Variants in PARD3B observed in about 807,000 individuals in gnomAD.
PARD3B encodes par-3 family cell polarity regulator beta.
In PARD3B, 103 loss-of-function variants were observed where a neutral mutation model predicts 130.2. That is an observed-to-expected ratio of 0.79 (90% CI 0.67 to 0.93). PARD3B has a LOEUF of 0.93. PARD3B is among the 40% of genes least tolerant of loss of function. The pLI is 0.00. For missense variants in PARD3B, 1,609 were observed against 1,499.2 expected (o/e 1.07, Z -1.21); for synonymous variants, 583 against 553.2 (o/e 1.05, Z -0.76).
intron 16 of PARD3B, among the ~76,000 whole-genome samples, chr2:205,285,036 T>C (rs1206378704): frequency 6.6e-6 from 1 of 151,092 alleles, no homozygotes; most frequent in East Asian, 1.9e-4. Context: ...GAACCAAGTG[T>C]TCCTTTCTTT....
intron 2 of PARD3B, among the ~76,000 whole-genome samples, chr2:204,693,918 G>C (rs1258967951): frequency 6.6e-6 from 1 of 151,984 alleles, no homozygotes; most frequent in African/African-American, 2.4e-5. Flanking sequence ...ATTCACTGCT[G>C]TATTCCCAGT....
chr2:205,155,840 G>A (rs940045153), intron 10 of PARD3B, among the ~76,000 whole-genome samples: 1 of 152,242 alleles, frequency 6.6e-6, no homozygotes, highest in Admixed American at 6.5e-5. Flanking sequence ...CTGCATAAGT[G>A]TCTTCCTTTG....
intron 18 of PARD3B, among the ~76,000 whole-genome samples, chr2:205,386,037 G>A (rs2045649320): frequency 6.6e-6 from 1 of 152,112 alleles, no homozygotes; most frequent in Admixed American, 6.6e-5. Context: ...ATAAATTTAA[G>A]TTTCATGATA....
At chr2:205,181,905 C>A (rs1266606315) in intron 13 of PARD3B, among the ~76,000 whole-genome samples, 1 of 152,146 alleles carries the variant, frequency 6.6e-6, no homozygotes, top group Admixed American at 6.5e-5. Flanking sequence ...GATAAGAGTT[C>A]CAGACTTTTA....
chr2:205,152,932 T>A (rs2033861450), intron 10 of PARD3B, among the ~76,000 whole-genome samples: 1 of 152,174 alleles, frequency 6.6e-6, no homozygotes, highest in Non-Finnish European at 1.5e-5. Flanking sequence ...GACCTACAGA[T>A]GGGGTTTTGG....
At chr2:204,944,368 C>T (rs187406473) in intron 2 of PARD3B, among the ~76,000 whole-genome samples, 11 of 152,284 alleles carry the variant, frequency 7.2e-5, no homozygotes, top group Non-Finnish European at 1.5e-4. Context: ...CCCCAGCTCC[C>T]GCTAGGATAC....
At chr2:204,641,433 A>G (rs570614039) in intron 1 of PARD3B, among the ~76,000 whole-genome samples, 1 of 150,126 alleles carries the variant, frequency 6.7e-6, no homozygotes, top group African/African-American at 2.5e-5. Flanking sequence ...ACTTATGTTG[A>G]AAAGTACTTG....
At chr2:205,546,778 C>T (rs572969463) in intron 21 of PARD3B, among the ~76,000 whole-genome samples, 59 of 152,068 alleles carry the variant, frequency 3.9e-4, no homozygotes, top group African/African-American at 1.4e-3. Flanking sequence ...CATTTCTAAC[C>T]GAGTATTAAA....
At chr2:205,227,664 G>A (rs2038630414) in intron 15 of PARD3B, among the ~76,000 whole-genome samples, 1 of 151,926 alleles carries the variant, frequency 6.6e-6, no homozygotes, top group Non-Finnish European at 1.5e-5. Context: ...ATTAGAGAAT[G>A]TAGTCCACTT....
At chr2:205,456,507 G>GTACT (rs2048281602) in intron 20 of PARD3B, among the ~76,000 whole-genome samples, 1 of 152,048 alleles carries the variant, frequency 6.6e-6, no homozygotes. Context: ...ACTGTTGAGT[G>GTACT]TACTGTTAGC....
chr2:204,865,981 C>G (rs1559211339), intron 2 of PARD3B, among the ~76,000 whole-genome samples: 1 of 152,158 alleles, frequency 6.6e-6, no homozygotes, highest in Non-Finnish European at 1.5e-5. Context: ...CAGGACAGAT[C>G]CTGCCTGTGG....
In PARD3B at chr2:204,982,622, A is replaced by C. The variant is rs1692771447; in HGVS notation, c.394+17299A>C. 2.0e-5 allele frequency among the ~76,000 whole-genome samples: 3 copies of C among 152,318 alleles called. No individual in the cohort carries two copies. In the South Asian group the frequency reaches 6.2e-4, roughly 32 times the overall value. ...TTTCACACCAGTACCAACTCACTCT[A>C]ACACTCACAATCTTTCAGCTCAAGC... On this transcript the variant is annotated intron_variant, in intron 3 of 22. Transcript: ENST00000406610.
intron 2 of PARD3B, among the ~76,000 whole-genome samples, chr2:204,765,968 T>C (rs2041126752): frequency 6.6e-6 from 1 of 152,202 alleles, no homozygotes. Context: ...AGTAATGGTT[T>C]CCTGTATTAC....
At chr2:204,916,867 A>G (rs759538986) in intron 2 of PARD3B, among the ~76,000 whole-genome samples, 3 of 152,266 alleles carry the variant, frequency 2.0e-5, no homozygotes, top group Non-Finnish European at 2.9e-5. Context: ...CAGATTCTTC[A>G]TTTGTCTGAC....
Position 205,021,594 on chromosome 2 carries a change from T to TTCTCTCTC in PARD3B, c.395-25968_395-25961dup, listed in dbSNP as rs372636581. On this transcript the variant is annotated intron_variant, in intron 3 of 22. Transcript: ENST00000406610. The surrounding 1 kb of genome is among the most constrained non-coding windows in gnomAD (Gnocchi z 4.5). ...TATGCTCTCTTCTCTCTCTCTTCTCTTCTCTCTCTCTCTCTCTCTCTCTCT... is the reference window on the plus strand; with the variant it reads ...TATGCTCTCTTCTCTCTCTCTTCTCTTCTCTCTCTCTCTCTCTCTCTCTCTCTCTCTCT... 6.9e-6 allele frequency among the ~76,000 whole-genome samples: 1 copy of TTCTCTCTC among 144,866 alleles called. No homozygotes were observed. Among genetic ancestry groups the TTCTCTCTC allele is most frequent in the South Asian group, 2.3e-4 (1 of 4,422 alleles).
intron 1 of PARD3B, among the ~76,000 whole-genome samples, chr2:204,629,041 T>C (rs2034586686): frequency 6.6e-6 from 1 of 152,164 alleles, no homozygotes. Flanking sequence ...TAAATATCCA[T>C]ATACAGTTCC....
intron 15 of PARD3B, among the ~76,000 whole-genome samples, chr2:205,205,120 T>A (rs1301378769): frequency 6.6e-6 from 1 of 152,196 alleles, no homozygotes; most frequent in East Asian, 1.9e-4. Context: ...CCCCTCTTAT[T>A]TCCTTGAGCA....
chr2:205,153,676 T>C (rs1468434349), intron 10 of PARD3B, among the ~76,000 whole-genome samples: 2 of 152,176 alleles, frequency 1.3e-5, no homozygotes, highest in Admixed American at 1.3e-4. Context: ...CAAAACAGCA[T>C]GGTACTGGTA....
intron 2 of PARD3B, among the ~76,000 whole-genome samples, chr2:204,830,684 C>G (rs889830443): frequency 3.9e-5 from 6 of 152,174 alleles, no homozygotes; most frequent in South Asian, 2.1e-4. Context: ...AGGGAACTCT[C>G]TATTCTCTCC....
Sources: gnomAD v4.1 joint callset for allele counts (sites outside exome capture counted in the v4.1 genomes callset) on GRCh38, gnomAD v4.1.1 for gene constraint, Gnocchi (gnomAD v3.1) non-coding constraint, MANE v1.5 for transcripts, NCBI Gene and HGNC (gene_info 2026-07-23, HGNC 2026-07-21) for gene names.